PRR16: variants seen among roughly 807,000 people sequenced by gnomAD.
PRR16 encodes the protein protein Largen.
In PRR16, 6 loss-of-function variants were observed where a neutral mutation model predicts 18.2. The ratio of observed to expected loss-of-function variants is 0.33; its 90% CI spans 0.18 to 0.65. PRR16 has a LOEUF of 0.65. Among genes scored for constraint, PRR16 ranks in the 30% least tolerant of loss-of-function variants. PRR16 has a pLI of 0.74. For missense variants in PRR16, 412 were observed against 376.6 expected (o/e 1.09, Z -0.78); for synonymous variants, 151 against 147.8 (o/e 1.02, Z -0.16).
At chr5:120,692,019 A>G (rs940150828), downstream of PRR16, among the ~76,000 whole-genome samples, 1 of 152,306 alleles carries the variant, frequency 6.6e-6, no homozygotes, top group Admixed American at 6.5e-5. Context: ...GCTACCCATG[A>G]TCTTAGGGCC....
chr5:120,489,236 A>G (rs907706963), intron 1 of PRR16, among the ~76,000 whole-genome samples: 4 of 152,074 alleles, frequency 2.6e-5, no homozygotes, highest in African/African-American at 9.7e-5. Context: ...TGATCTGTCT[A>G]ATGTTGACAG....
intron 1 of PRR16, among the ~76,000 whole-genome samples, chr5:120,477,762 T>C (rs1303569379): frequency 6.6e-6 from 1 of 152,162 alleles, no homozygotes; most frequent in African/African-American, 2.4e-5. Context: ...TCCTCCCCAA[T>C]TTACTACTTT....
chr5:120,661,940 G>C (rs528528848), intron 1 of PRR16, among the ~76,000 whole-genome samples: 107 of 152,184 alleles, frequency 7.0e-4, no homozygotes, highest in African/African-American at 2.6e-3. Flanking sequence ...ACTATTTGCA[G>C]GGACTATGGA....
At chr5:120,516,423 C>CAA (rs531146634) in intron 1 of PRR16, among the ~76,000 whole-genome samples, 20 of 52,618 alleles carry the variant, frequency 3.8e-4, no homozygotes, top group Non-Finnish European at 6.9e-4. Context: ...GATTATGTCT[C>CAA]AAAAAAAAAA....
chr5:120,536,236 A>G (rs985500269), intron 1 of PRR16, among the ~76,000 whole-genome samples: 20 of 152,110 alleles, frequency 1.3e-4, no homozygotes, highest in African/African-American at 4.3e-4. Context: ...TTAGTAACCA[A>G]TTGATTTAAA....
intron 1 of PRR16, among the ~76,000 whole-genome samples, chr5:120,525,986 G>C (rs1000462507): frequency 6.6e-6 from 1 of 152,162 alleles, no homozygotes; most frequent in South Asian, 2.1e-4. Context: ...CAGATCTGAA[G>C]AAAAAATTTG....
the PRR16 span, among the ~76,000 whole-genome samples, chr5:120,725,417 A>C: frequency 6.6e-6 from 1 of 151,238 alleles, no homozygotes; most frequent in Non-Finnish European, 1.5e-5. Flanking sequence ...GTGCTTTGCG[A>C]GTCCAAGGCA....
At chr5:120,725,134 A>G in the PRR16 span, among the ~76,000 whole-genome samples, 3 of 151,998 alleles carry the variant, frequency 2.0e-5, no homozygotes, top group East Asian at 5.8e-4. Context: ...AAAGGTGCTG[A>G]AGTGAGAGCC....
the PRR16 span, among the ~76,000 whole-genome samples, chr5:120,710,264 G>T: frequency 6.6e-6 from 1 of 152,050 alleles, no homozygotes; most frequent in Non-Finnish European, 1.5e-5. Context: ...ATAGCTCCAG[G>T]GGTACAACCG....
chr5:120,490,177 G>T (rs1021592855), intron 1 of PRR16, among the ~76,000 whole-genome samples: 65 of 152,120 alleles, frequency 4.3e-4, no homozygotes, highest in African/African-American at 1.2e-3. Context: ...TCTCTGTATT[G>T]CCTGAATCTG....
intron 1 of PRR16, among the ~76,000 whole-genome samples, chr5:120,649,406 A>G (rs1284972910): frequency 6.6e-6 from 1 of 152,208 alleles, no homozygotes; most frequent in Non-Finnish European, 1.5e-5. Context: ...ATTTTACCCC[A>G]GAGATGAATG....
chr5:120,652,747 C>G lies in PRR16; in HGVS notation c.160-33207C>G, dbSNP rs75857636. On this transcript the variant is annotated intron_variant, in intron 1 of 1. Coordinates refer to ENST00000407149, the MANE Select transcript of PRR16 (RefSeq NM_001300783.2). ...CAGTATCTTCAATGGGATCGTGCAACAGAAAAGGGACATTAGGTGAAGACT... is the reference window on the plus strand; with the variant it reads ...CAGTATCTTCAATGGGATCGTGCAAGAGAAAAGGGACATTAGGTGAAGACT... Among the ~76,000 whole-genome samples, 323 of 151,900 alleles carry G rather than the reference C, an allele frequency of 2.1e-3. 2 individuals carry two copies. Among genetic ancestry groups the G allele is most frequent in the Middle Eastern group, 6.8e-3 (2 of 294 alleles).
chr5:120,596,363 A>T (rs1263686006), intron 1 of PRR16, among the ~76,000 whole-genome samples: 3 of 151,762 alleles, frequency 2.0e-5, no homozygotes, highest in Non-Finnish European at 4.4e-5. Flanking sequence ...AACAATTTCC[A>T]CAAAACCGGA....
At chr5:120,755,908 T>C in the PRR16 span, among the ~76,000 whole-genome samples, 1 of 152,022 alleles carries the variant, frequency 6.6e-6, no homozygotes, top group African/African-American at 2.4e-5. Context: ...GGGAGGGGGC[T>C]CAAGCAAGTG....
At chr5:120,499,037 A>G (rs544116226) in intron 1 of PRR16, among the ~76,000 whole-genome samples, 69 of 150,418 alleles carry the variant, frequency 4.6e-4, no homozygotes, top group Non-Finnish European at 7.7e-4. Flanking sequence ...GGGTTTTCTC[A>G]GTTTCTTCAA....
chr5:120,538,354 G>A (rs138565929), intron 1 of PRR16, among the ~76,000 whole-genome samples: 1 of 152,298 alleles, frequency 6.6e-6, no homozygotes, highest in East Asian at 1.9e-4. Flanking sequence ...GTATTTCTAT[G>A]AGTCAGGATT....
At chr5:120,755,214 TAAAA>T in the PRR16 span, among the ~76,000 whole-genome samples, 8 of 151,564 alleles carry the variant, frequency 5.3e-5, no homozygotes, top group Non-Finnish European at 8.8e-5. Flanking sequence ...AAAAAAAATC[TAAAA>T]AAAATAAAAA....
chr5:120,492,887 A>G (rs1750110308), intron 1 of PRR16, among the ~76,000 whole-genome samples: 1 of 152,150 alleles, frequency 6.6e-6, no homozygotes. Flanking sequence ...AAAAGACATT[A>G]TTTCATTCCT....
intron 1 of PRR16, among the ~76,000 whole-genome samples, chr5:120,470,531 C>T (rs1749234820): frequency 6.6e-6 from 1 of 151,956 alleles, no homozygotes; most frequent in African/African-American, 2.4e-5. Context: ...TGATATAGAT[C>T]GTAACTATTA....
Sources: gnomAD v4.1 joint callset for allele counts (sites outside exome capture counted in the v4.1 genomes callset) on GRCh38, gnomAD v4.1.1 for gene constraint, MANE v1.5 for transcripts, NCBI Gene and HGNC (gene_info 2026-07-23, HGNC 2026-07-21) for gene names.